Variants in VWC2 observed in about 807,000 individuals in gnomAD.
VWC2 encodes the protein von Willebrand factor C domain containing 2, also known as brorin.
A neutral mutation model predicts 29.8 loss-of-function variants in VWC2; 14 were observed. The observed-to-expected ratio is 0.47, with a 90% CI of 0.31 to 0.74. The LOEUF (loss-of-function observed/expected upper bound fraction) is 0.74. VWC2 is among the 30% of genes least tolerant of loss of function. VWC2 has a pLI of 0.05. For synonymous variants in VWC2, 213 were observed against 199.0 expected (o/e 1.07, Z -0.59); for missense variants, 457 against 459.8 (o/e 0.99, Z 0.05).
At chr7:49,901,241 A>C (rs757151116) in intron 3 of VWC2, 5 of 151,954 alleles carry the variant, frequency 3.3e-5, no homozygotes, top group African/African-American at 4.8e-5. Context: ...AAAAAGAAAT[A>C]AAATGTATAC....
intron 3 of VWC2, among the ~76,000 whole-genome samples, chr7:49,823,838 C>T (rs766313606): frequency 4.2e-4 from 64 of 152,136 alleles, no homozygotes; most frequent in Non-Finnish European, 8.7e-4. Flanking sequence ...TATGCATTTC[C>T]ATAACCACCA....
intron 2 of VWC2, among the ~76,000 whole-genome samples, chr7:49,777,459 G>A (rs1038564940): frequency 2.2e-4 from 33 of 152,200 alleles, no homozygotes; most frequent in Admixed American, 5.2e-4. Flanking sequence ...TATTCATTCT[G>A]GCTTTACCAC....
rs1187414966 is a variant in VWC2 at position 49,775,778 on chromosome 7, G to C, written c.343G>C (p.Gly115Arg). 10 of 1,521,128 alleles carry C rather than the reference G, an allele frequency of 6.6e-6. No individual in the cohort carries two copies. Among genetic ancestry groups the C allele is most frequent in the Non-Finnish European group, 7.9e-6 (9 of 1,135,720 alleles). The allele number at this position is 1,521,128 out of a possible 1,614,324, so 94.2% of individuals were successfully genotyped here. The change falls in exon 2 of 4, where the codon GGG becomes CGG. Residue 115 changes from glycine to arginine, a missense_variant. Physicochemically the swap from Gly to Arg is moderately radical, Grantham distance 125. Coordinates refer to ENST00000340652, the MANE Select transcript of VWC2 (RefSeq NM_198570.5). ...KAGDLQVRPR[G>R]DTPQAEALAA... is the part of the protein sequence containing the mutation. ...CGGGGATCTGCAGGTCCGGCCCCGCGGGGACACCCCGCAGGCGGAAGCCCT... is the reference window on the plus strand; with the variant it reads ...CGGGGATCTGCAGGTCCGGCCCCGCCGGGACACCCCGCAGGCGGAAGCCCT...
intron 3 of VWC2, among the ~76,000 whole-genome samples, chr7:49,840,206 G>A (rs1225807394): frequency 1.3e-5 from 2 of 152,208 alleles, no homozygotes; most frequent in Admixed American, 1.3e-4. Context: ...GAGAGTTGTA[G>A]ATGAACAAAT....
intron 3 of VWC2, among the ~76,000 whole-genome samples, chr7:49,863,365 G>A (rs1790740204): frequency 6.6e-6 from 1 of 152,120 alleles, no homozygotes; most frequent in African/African-American, 2.4e-5. Flanking sequence ...TCCAGCTAAA[G>A]ATTTGTCAGT....
chr7:49,815,384 T>C (rs1789112745), intron 3 of VWC2, among the ~76,000 whole-genome samples: 1 of 152,194 alleles, frequency 6.6e-6, no homozygotes, highest in African/African-American at 2.4e-5. Context: ...GATTATTAGG[T>C]TGACATCTTA....
At chr7:49,863,747 A>G (rs1790764356) in intron 3 of VWC2, among the ~76,000 whole-genome samples, 1 of 151,950 alleles carries the variant, frequency 6.6e-6, no homozygotes, top group Non-Finnish European at 1.5e-5. Context: ...TCTATTCTCT[A>G]TTTTGTTTAT....
chr7:49,801,005 T>C (rs1266036126), intron 2 of VWC2, among the ~76,000 whole-genome samples: 1 of 152,174 alleles, frequency 6.6e-6, no homozygotes, highest in Admixed American at 6.5e-5. Context: ...ACTAAAGTTT[T>C]TCAAAGTTTC....
intron 2 of VWC2, among the ~76,000 whole-genome samples, chr7:49,788,468 T>A (rs6954489): frequency 0.2 from 30,233 of 148,240 alleles, 4,006 homozygotes; most frequent in East Asian, 0.63. Context: ...TGTGTGTGTG[T>A]GAGAGAGAGT....
chr7:49,921,573 C>A lies in VWC2; in HGVS notation c.*9388C>A, dbSNP rs1198570425. 9.2e-5 allele frequency: 14 copies of A among 152,034 alleles called. No individual in the cohort carries two copies. Among genetic ancestry groups the A allele is most frequent in the Admixed American group, 9.2e-4 (14 of 15,248 alleles). The allele number at this position is 152,034 out of a possible 1,614,324, so 9.4% of individuals were successfully genotyped here. ...AGTAACATGGGGAGAGTGGTATCAA[C>A]CACTAAGAGGATTAAATGAGTGAAT... On this transcript the variant is annotated 3_prime_UTR_variant, in exon 4 of 4. Coordinates refer to ENST00000340652, the MANE Select transcript of VWC2 (RefSeq NM_198570.5).
intron 2 of VWC2, among the ~76,000 whole-genome samples, chr7:49,780,858 T>A (rs1788158664): frequency 6.6e-6 from 1 of 152,222 alleles, no homozygotes; most frequent in Non-Finnish European, 1.5e-5. Context: ...TGCCTCCGTA[T>A]CTGACTTGCC....
chr7:49,775,147 C>T lies in VWC2; in HGVS notation c.-103-186C>T, dbSNP rs186534555. Among the ~76,000 whole-genome samples the T allele has an allele frequency of 2.5e-3, 386 of 152,316 alleles. 3 individuals are homozygous for T. Among genetic ancestry groups the T allele is most frequent in the Non-Finnish European group, 5.0e-3 (338 of 68,020 alleles). On this transcript the variant is annotated intron_variant, in intron 1 of 3. Coordinates refer to ENST00000340652, the MANE Select transcript of VWC2 (RefSeq NM_198570.5). ...CGGTGTCGTTCTTGGATTTCGCTTCCAATGTATCGCTCCACAGTTTGTGAT... is the reference window on the plus strand; with the variant it reads ...CGGTGTCGTTCTTGGATTTCGCTTCTAATGTATCGCTCCACAGTTTGTGAT...
chr7:49,886,011 G>T (rs765481373), intron 3 of VWC2, among the ~76,000 whole-genome samples: 10 of 152,216 alleles, frequency 6.6e-5, no homozygotes, highest in Admixed American at 6.5e-4. Context: ...TTTTGAAATC[G>T]CTGTTGGACA....
chr7:49,785,850 AC>A (rs2128702464), intron 2 of VWC2, among the ~76,000 whole-genome samples: 1 of 152,344 alleles, frequency 6.6e-6, no homozygotes, highest in East Asian at 1.9e-4. Context: ...TACTAAAAGA[AC>A]TTTAAAATAA....
intron 3 of VWC2, among the ~76,000 whole-genome samples, chr7:49,804,430 G>A (rs1047782408): frequency 3.3e-5 from 5 of 152,084 alleles, no homozygotes; most frequent in African/African-American, 1.2e-4. Flanking sequence ...CCTGCATGTC[G>A]GGGGTACTGG....
intron 2 of VWC2, among the ~76,000 whole-genome samples, chr7:49,793,715 T>C (rs1788517300): frequency 2.0e-5 from 3 of 152,252 alleles, no homozygotes; most frequent in Admixed American, 6.5e-5. Context: ...TAATGGTCAA[T>C]TGTTTCTAAC....
At chr7:49,836,638 CAATAAATAAAT>C (rs1789667380) in intron 3 of VWC2, among the ~76,000 whole-genome samples, 7 of 145,354 alleles carry the variant, frequency 4.8e-5, no homozygotes, top group Non-Finnish European at 1.1e-4. Flanking sequence ...GACTCCATCT[CAATAAATAAAT>C]AAATAAATAA....
intron 3 of VWC2, among the ~76,000 whole-genome samples, chr7:49,822,825 T>A (rs1789293209): frequency 6.6e-6 from 1 of 152,244 alleles, no homozygotes; most frequent in African/African-American, 2.4e-5. Context: ...GGCTCACCTA[T>A]GTTGTTGCCT....
At chr7:49,893,872 T>C (rs915154067) in intron 3 of VWC2, among the ~76,000 whole-genome samples, 1 of 152,198 alleles carries the variant, frequency 6.6e-6, no homozygotes, top group African/African-American at 2.4e-5. Context: ...TTGGGAATTA[T>C]CTGTTGTTTA....
Sources: allele counts gnomAD v4.1 joint callset (sites outside exome capture counted in the v4.1 genomes callset), GRCh38; gene constraint gnomAD v4.1.1; transcripts MANE v1.5; gene names NCBI Gene and HGNC (gene_info 2026-07-23, HGNC 2026-07-21).